Variants in VAC14 observed in about 807,000 individuals in gnomAD.
VAC14 encodes protein VAC14 homolog.
A neutral mutation model predicts 85.3 loss-of-function variants in VAC14; 47 were observed. That is an observed-to-expected ratio of 0.55 (90% CI 0.44 to 0.70). The LOEUF is 0.70. Ranked by LOEUF, VAC14 falls within the 30% of genes least tolerant of loss-of-function variation. The pLI, the probability that VAC14 is intolerant of heterozygous loss-of-function variation, is 0.00. For missense variants in VAC14, 861 were observed against 1,004.3 expected (o/e 0.86, Z 1.93); for synonymous variants, 447 against 430.5 (o/e 1.04, Z -0.47).
rs552243298 is a variant in VAC14, at chr16:70,759,505, G to A, written c.1371+3035C>T. Among the ~76,000 whole-genome samples, 17 of 152,310 alleles carry A rather than the reference G, an allele frequency of 1.1e-4. No homozygotes were observed. In the South Asian group the frequency reaches 3.3e-3, roughly 30 times the overall value. ...TAGTCAGGTGTGGTGGTACATGCCTGTAATCCCAGATACTTGGGAGGCTGA... is the reference window on the plus strand; with the variant it reads ...TAGTCAGGTGTGGTGGTACATGCCTATAATCCCAGATACTTGGGAGGCTGA... On this transcript the variant is annotated intron_variant, in intron 12 of 18. Transcript: ENST00000261776.
intron 14 of VAC14, chr16:70,700,362 A>C (rs980891582): frequency 6.6e-6 from 1 of 152,222 alleles, no homozygotes; most frequent in African/African-American, 2.4e-5. Flanking sequence ...CTCCCCGCGC[A>C]TGCCACCAGG....
At chr16:70,739,498 C>T (rs2030045978) in intron 13 of VAC14, among the ~76,000 whole-genome samples, 1 of 152,234 alleles carries the variant, frequency 6.6e-6, no homozygotes, top group African/African-American at 2.4e-5. Flanking sequence ...TGGCCCCTCT[C>T]CTCCTCCCCT....
chr16:70,769,654 A>C (rs2033070942), intron 10 of VAC14: 1 of 152,214 alleles, frequency 6.6e-6, no homozygotes, highest in African/African-American at 2.4e-5. Context: ...CTGAATGACA[A>C]GTATAAACCA....
chr16:70,776,185 C>G (rs541546321), intron 9 of VAC14, among the ~76,000 whole-genome samples: 2 of 152,196 alleles, frequency 1.3e-5, no homozygotes, highest in Non-Finnish European at 2.9e-5. Flanking sequence ...ACTGCAGCCT[C>G]GAGCTCCTGG....
intron 14 of VAC14, among the ~76,000 whole-genome samples, chr16:70,727,310 A>G (rs150182445): frequency 0.019 from 2,877 of 152,260 alleles, 40 homozygotes; most frequent in Non-Finnish European, 0.029. Context: ...CTGCGGAACC[A>G]TCGCGATGCC....
chr16:70,689,553 G>A (rs1279424693), intron 18 of VAC14: 28 of 985,472 alleles, frequency 2.8e-5, no homozygotes, highest in African/African-American at 3.5e-5. Flanking sequence ...CCCGGAGGCG[G>A]CCTCCTGCAC....
At chr16:70,800,578 G>A (rs905529986) in intron 1 of VAC14, among the ~76,000 whole-genome samples, 3 of 152,180 alleles carry the variant, frequency 2.0e-5, no homozygotes, top group African/African-American at 7.2e-5. Flanking sequence ...AGCCCTTTGT[G>A]GCACCGGGAG....
chr16:70,701,353 C>T (rs937829995), intron 14 of VAC14, among the ~76,000 whole-genome samples: 43 of 152,274 alleles, frequency 2.8e-4, no homozygotes, highest in African/African-American at 1.0e-3. Context: ...CACAACCAGC[C>T]CTTGGTGTCC....
Position 70,772,059 on chromosome 16 carries a change from T to G in VAC14, c.1160+50A>C, listed in dbSNP as rs75732232. 5.4e-3 allele frequency: 8,504 copies of G among 1,573,126 alleles called. 334 individuals are homozygous for G. In the African/African-American group the frequency reaches 0.088, roughly 16 times the overall value. ...TGTAGTCTCCCGCATCCAGGAAAGA[T>G]CTAGGCCGCTCGCTTTCCACAAACC... On this transcript the variant is annotated intron_variant, in intron 10 of 18. Coordinates refer to ENST00000261776, the MANE Select transcript of VAC14 (RefSeq NM_018052.5).
chr16:70,776,780 T>G (rs377215136), intron 9 of VAC14, among the ~76,000 whole-genome samples: 4 of 151,994 alleles, frequency 2.6e-5, no homozygotes, highest in African/African-American at 7.2e-5. Flanking sequence ...TTTTTAATAA[T>G]TTTTGCTTGT....
chr16:70,697,957 C>T (rs970907871), intron 15 of VAC14, among the ~76,000 whole-genome samples: 31 of 150,012 alleles, frequency 2.1e-4, no homozygotes, highest in Non-Finnish European at 4.2e-4. Context: ...TCCAGGATGA[C>T]CCCTGTCCCC....
At chr16:70,743,629 A>G (rs1327144001) in intron 13 of VAC14, among the ~76,000 whole-genome samples, 4 of 152,158 alleles carry the variant, frequency 2.6e-5, no homozygotes, top group Admixed American at 1.3e-4. Flanking sequence ...TGTAACAATC[A>G]CTGTGAAGGT....
intron 12 of VAC14, among the ~76,000 whole-genome samples, chr16:70,750,183 A>G (rs187559184): frequency 6.6e-6 from 1 of 152,362 alleles, no homozygotes; most frequent in African/African-American, 2.4e-5. Context: ...CTCAGCTTCC[A>G]GGAAAACAGA....
At chr16:70,725,272 C>G (rs1019183297) in intron 14 of VAC14, among the ~76,000 whole-genome samples, 2 of 152,246 alleles carry the variant, frequency 1.3e-5, no homozygotes, top group African/African-American at 4.8e-5. Context: ...GATGACAGAG[C>G]CTGATGTGGG....
rs967476965 is a variant in VAC14, at chr16:70,690,382, C to T, written c.2187-2292G>A. ...TCTTCTGTAGGTCCATAACCACCCTCGGGCACCGAGGCTGAGGCCAGCCAG... is the reference window on the plus strand; with the variant it reads ...TCTTCTGTAGGTCCATAACCACCCTTGGGCACCGAGGCTGAGGCCAGCCAG... On this transcript the variant is annotated intron_variant, in intron 18 of 18. Coordinates refer to ENST00000261776, the MANE Select transcript of VAC14 (RefSeq NM_018052.5). 3.0e-5 allele frequency: 30 copies of T among 985,674 alleles called. No homozygotes were observed. The South Asian group carries it at 8.0e-4, about 26-fold the overall frequency. 61.1% of individuals were successfully genotyped at this position (985,674 alleles called of 1,614,324 possible).
At chr16:70,750,670 T>C (rs1343784093) in intron 12 of VAC14, among the ~76,000 whole-genome samples, 2 of 151,588 alleles carry the variant, frequency 1.3e-5, no homozygotes, top group African/African-American at 4.8e-5. Context: ...GGAGGGTGAG[T>C]GTCTGGGTGG....
At chr16:70,735,176 G>T (rs995251688) in intron 13 of VAC14, among the ~76,000 whole-genome samples, 2 of 152,050 alleles carry the variant, frequency 1.3e-5, no homozygotes, top group African/African-American at 4.8e-5. Flanking sequence ...GGACACTGGG[G>T]GATGCAGAGC....
intron 14 of VAC14, among the ~76,000 whole-genome samples, chr16:70,705,438 G>A (rs2142993803): frequency 6.6e-6 from 1 of 152,390 alleles, no homozygotes; most frequent in South Asian, 2.1e-4. Flanking sequence ...CTCAAGGGCA[G>A]GGATGTGGAC....
At chr16:70,729,481 G>A (rs1023162332) in intron 14 of VAC14, among the ~76,000 whole-genome samples, 1 of 152,060 alleles carries the variant, frequency 6.6e-6, no homozygotes, top group African/African-American at 2.4e-5. Flanking sequence ...CTCCTGAGCT[G>A]GCCGGTCACC....
Sources: allele counts gnomAD v4.1 joint callset (sites outside exome capture counted in the v4.1 genomes callset), GRCh38; gene constraint gnomAD v4.1.1; transcripts MANE v1.5; gene names NCBI Gene and HGNC (gene_info 2026-07-23, HGNC 2026-07-21).